The following BTBD10 variants were observed in gnomAD, a reference collection of about 807,000 sequenced individuals.
BTBD10 encodes the protein BTB/POZ domain-containing protein 10.
In BTBD10, 21 loss-of-function variants were observed where a neutral mutation model predicts 53.2. The observed-to-expected ratio is 0.39, with a 90% CI of 0.28 to 0.57. BTBD10 has a LOEUF of 0.57. Ranked by LOEUF, BTBD10 falls within the 20% of genes least tolerant of loss-of-function variation. The pLI is 0.53. For synonymous variants in BTBD10, 149 were observed against 192.7 expected (o/e 0.77, Z 1.88); for missense variants, 360 against 594.7 (o/e 0.61, Z 4.10).
chr11:13,430,731 ATCAATC>A (rs1423209656), intron 2 of BTBD10, among the ~76,000 whole-genome samples: 4 of 152,158 alleles, frequency 2.6e-5, no homozygotes, highest in African/African-American at 9.7e-5. Context: ...TACGACATGA[ATCAATC>A]TCAAAATAAT....
chr11:13,439,123 C>T (rs1950599415), intron 2 of BTBD10, among the ~76,000 whole-genome samples: 2 of 147,508 alleles, frequency 1.4e-5, no homozygotes. Flanking sequence ...TGCTGTATAT[C>T]CCAAATGTCC....
At chr11:13,440,127 C>T in intron 2 of BTBD10, 1 of 1,510,908 alleles carries the variant, frequency 6.6e-7, no homozygotes, top group Non-Finnish European at 8.8e-7. Flanking sequence ...TAGCTTCCTC[C>T]CTCTACTGTG....
chr11:13,409,748 T>G (rs1480538959), intron 6 of BTBD10, among the ~76,000 whole-genome samples: 2 of 152,338 alleles, frequency 1.3e-5, no homozygotes, highest in East Asian at 3.9e-4. Flanking sequence ...ATCTCATTTC[T>G]TCACTGCATT....
intron 2 of BTBD10, among the ~76,000 whole-genome samples, chr11:13,441,726 C>A: frequency 6.6e-6 from 1 of 152,028 alleles, no homozygotes; most frequent in East Asian, 1.9e-4. Context: ...AAACAAAACA[C>A]AAAATTTCAA....
At chr11:13,389,463 T>C (rs1435434891) in intron 8 of BTBD10, among the ~76,000 whole-genome samples, 1 of 152,108 alleles carries the variant, frequency 6.6e-6, no homozygotes, top group Admixed American at 6.5e-5. Context: ...GAGTCTCACT[T>C]TGTCACCCAG....
chr11:13,462,775 G>A (rs1365403305), intron 1 of BTBD10: 1 of 152,348 alleles, frequency 6.6e-6, no homozygotes, highest in Non-Finnish European at 1.5e-5. Context: ...CAGGAAAGGG[G>A]CGGGGCACGG....
chr11:13,445,046 G>C lies in BTBD10; in HGVS notation c.79C>G (p.Arg27Gly). 6.2e-7 allele frequency: 1 copy of C among 1,611,808 alleles called. No individual in the cohort carries two copies. The highest frequency in any genetic ancestry group is 8.5e-7 in the Non-Finnish European group (1 of 1,178,314). ...NWDRKLHSRP[R>G]KLYKHSSTSS... ...TACCTTGAATGTTTATAAAGTTTAC[G>C]AGGTCTACTATGCAATTTCCGATCC... is the stretch of plus-strand genomic sequence containing the variant. Residue 27 changes from arginine (R) to glycine (G), a missense_variant, in exon 2 of 9, where the codon CGT (arginine) becomes GGT (glycine). Physicochemically the swap from Arg to Gly is moderately radical, Grantham distance 125. This residue lies in a region of BTBD10 where 81 missense variants were observed against 82.6 expected (regional missense o/e 0.98). Coordinates refer to ENST00000278174, the MANE Select transcript of BTBD10 (RefSeq NM_032320.7).
At chr11:13,397,805 T>C (rs577511752) in intron 8 of BTBD10, among the ~76,000 whole-genome samples, 10 of 152,344 alleles carry the variant, frequency 6.6e-5, no homozygotes, top group Non-Finnish European at 1.5e-4. Context: ...ATGTACCCAG[T>C]AGTCATTCAG....
intron 1 of BTBD10, among the ~76,000 whole-genome samples, chr11:13,454,626 A>G (rs751272811): frequency 6.6e-6 from 1 of 152,194 alleles, no homozygotes; most frequent in Non-Finnish European, 1.5e-5. Context: ...CTGAGACAGG[A>G]GGATTGCTTG....
At chr11:13,391,119 C>T (rs192161459) in intron 8 of BTBD10, among the ~76,000 whole-genome samples, 155 of 152,250 alleles carry the variant, frequency 1.0e-3, no homozygotes, top group African/African-American at 3.6e-3. Context: ...ATGGTTTCCT[C>T]GTGCTTAATT....
At chr11:13,405,258 C>T (rs1372845654) in intron 7 of BTBD10, 1 of 155,004 alleles carries the variant, frequency 6.5e-6, no homozygotes, top group African/African-American at 2.4e-5. Flanking sequence ...GTTAAAGCTT[C>T]CAAATTTACG....
At chr11:13,427,261 A>T (rs1372122689) in intron 2 of BTBD10, among the ~76,000 whole-genome samples, 1 of 152,146 alleles carries the variant, frequency 6.6e-6, no homozygotes, top group Admixed American at 6.5e-5. Flanking sequence ...TATATGCTAT[A>T]TGGTACAAAG....
intron 8 of BTBD10, among the ~76,000 whole-genome samples, chr11:13,401,118 A>G (rs191894474): frequency 1.7e-4 from 24 of 137,924 alleles, no homozygotes; most frequent in African/African-American, 6.1e-4. Flanking sequence ...GAAATATTAT[A>G]TATCAGATAT....
At chr11:13,439,913 A>C in intron 2 of BTBD10, 6 of 1,534,120 alleles carry the variant, frequency 3.9e-6, no homozygotes, top group Non-Finnish European at 5.2e-6. Context: ...AGGTAGACAC[A>C]CAAAAACAAG....
At chr11:13,445,615 T>C (rs1431715786) in intron 1 of BTBD10, among the ~76,000 whole-genome samples, 1 of 152,154 alleles carries the variant, frequency 6.6e-6, no homozygotes, top group African/African-American at 2.4e-5. Context: ...AAATAACCAA[T>C]GTTATTATTT....
chr11:13,421,730 T>C lies in BTBD10; in HGVS notation c.210A>G (p.Arg70=). 6.2e-7 allele frequency: 1 copy of C among 1,614,002 alleles called. No homozygotes were observed. Among genetic ancestry groups the C allele is most frequent in the Non-Finnish European group, 8.5e-7 (1 of 1,179,866 alleles). The part of the protein sequence containing the change: ...RSRDRRRSSD[R]SRDSSHERTE... ...TTCTTTCATGAGATGAATCTCGTGATCTGTCACTTGACCTTCGTCTATCTC... is the reference window on the plus strand; with the variant it reads ...TTCTTTCATGAGATGAATCTCGTGACCTGTCACTTGACCTTCGTCTATCTC... The change falls in exon 3 of 9, where the codon AGA becomes AGG. Residue 70 remains arginine (R), a synonymous_variant. Transcript: ENST00000278174.
In BTBD10 at chr11:13,389,213, C is replaced by T; in HGVS notation, c.1118-72G>A. On this transcript the variant is annotated intron_variant, in intron 8 of 8. Transcript: ENST00000278174. ...TCTCACCCAATTTCGCCTTAGAAAG[C>T]TTTTCTGCTATAGATCCTAAAGAAA... 2.3e-6 allele frequency: 3 copies of T among 1,296,186 alleles called. No individual in the cohort carries two copies. In the South Asian group the frequency reaches 4.2e-5, roughly 18 times the overall value. 80.3% of individuals were successfully genotyped at this position (1,296,186 alleles called of 1,614,324 possible).
chr11:13,449,462 G>C (rs956947421), intron 1 of BTBD10, among the ~76,000 whole-genome samples: 1 of 151,206 alleles, frequency 6.6e-6, no homozygotes, highest in Admixed American at 6.6e-5. Flanking sequence ...ATAAAAATTG[G>C]TACTTTTTTC....
intron 2 of BTBD10, among the ~76,000 whole-genome samples, chr11:13,444,139 T>C (rs1950713281): frequency 1.3e-5 from 2 of 152,008 alleles, no homozygotes; most frequent in Admixed American, 6.6e-5. Context: ...AAAGTACCAA[T>C]CACTCAAATT....
Sources: gnomAD v4.1 joint callset for allele counts (sites outside exome capture counted in the v4.1 genomes callset) on GRCh38, gnomAD v4.1.1 for gene constraint, gnomAD v4.1.1 regional missense constraint, MANE v1.5 for transcripts, NCBI Gene and HGNC (gene_info 2026-07-23, HGNC 2026-07-21) for gene names.